ROR2: variants seen among roughly 807,000 people sequenced by gnomAD.
The protein encoded by ROR2 is ROR family WNT receptor 2, also known as tyrosine-protein kinase transmembrane receptor ROR2.
Under a neutral mutation model 74.9 loss-of-function variants are expected in ROR2, and 33 were observed. That is an observed-to-expected ratio of 0.44 (90% CI 0.33 to 0.59). ROR2 has a LOEUF of 0.59. Among genes scored for constraint, ROR2 ranks in the 20% least tolerant of loss-of-function variants. The pLI is 0.02. For missense variants in ROR2, 1,216 were observed against 1,313.8 expected (o/e 0.93, Z 1.15); for synonymous variants, 586 against 558.7 (o/e 1.05, Z -0.69).
intron 2 of ROR2, among the ~76,000 whole-genome samples, chr9:91,765,514 A>C (rs1826032408): frequency 1.3e-5 from 2 of 152,194 alleles, no homozygotes; most frequent in Non-Finnish European, 2.9e-5. Context: ...GTTTTATCTT[A>C]ACTTTTTGGC....
At chr9:91,833,112 C>T (rs1248371847) in intron 1 of ROR2, among the ~76,000 whole-genome samples, 2 of 152,206 alleles carry the variant, frequency 1.3e-5, no homozygotes, top group Non-Finnish European at 2.9e-5. Context: ...ACAAAACACC[C>T]AGGTGTTCTC....
chr9:91,822,296 G>A (rs1168697196), intron 1 of ROR2, among the ~76,000 whole-genome samples: 2 of 152,192 alleles, frequency 1.3e-5, no homozygotes, highest in Non-Finnish European at 2.9e-5. Context: ...CCACCACCAA[G>A]GATCAGAGTT....
intron 2 of ROR2, among the ~76,000 whole-genome samples, chr9:91,762,166 T>C (rs1371584569): frequency 6.6e-6 from 1 of 152,172 alleles, no homozygotes; most frequent in Non-Finnish European, 1.5e-5. Flanking sequence ...CATTGTCACA[T>C]CTACTGCTGA....
chr9:91,770,992 C>T (rs970792419), intron 2 of ROR2, among the ~76,000 whole-genome samples: 3 of 152,210 alleles, frequency 2.0e-5, no homozygotes, highest in African/African-American at 7.2e-5. Flanking sequence ...GCTCTGCTGA[C>T]TGCTTTGTTT....
At chr9:91,872,493 G>T (rs1829826040) in intron 1 of ROR2, among the ~76,000 whole-genome samples, 3 of 152,130 alleles carry the variant, frequency 2.0e-5, no homozygotes, top group Non-Finnish European at 2.9e-5. Context: ...GCCAGAATTT[G>T]TTCTATTTTT....
At chr9:91,850,478 G>A (rs1050221943) in intron 1 of ROR2, among the ~76,000 whole-genome samples, 1 of 152,166 alleles carries the variant, frequency 6.6e-6, no homozygotes, top group Admixed American at 6.5e-5. Flanking sequence ...AAAAGACTGT[G>A]ACGCTGAAGC....
intron 1 of ROR2, among the ~76,000 whole-genome samples, chr9:91,839,908 T>C (rs1828732435): frequency 6.6e-6 from 1 of 152,062 alleles, no homozygotes; most frequent in African/African-American, 2.4e-5. Context: ...CCACCAAAAG[T>C]GCACCCCTTT....
chr9:91,820,839 T>G lies in ROR2; in HGVS notation c.98-45021A>C, dbSNP rs551159386. 9.1e-4 allele frequency among the ~76,000 whole-genome samples: 139 copies of G among 152,232 alleles called. 1 individual carries two copies. Among genetic ancestry groups the G allele is most frequent in the African/African-American group, 3.2e-3 (131 of 41,556 alleles). On this transcript the variant is annotated intron_variant, in intron 1 of 8. Coordinates refer to ENST00000375708, the MANE Select transcript of ROR2 (RefSeq NM_004560.4). ...GGTCAGGCCAGGTGTGGTGGCTCAC[T>G]CACTGTAATCCCAGCGCTTTGGGAG...
chr9:91,736,923 G>A (rs1167183355), intron 5 of ROR2, among the ~76,000 whole-genome samples: 1 of 152,096 alleles, frequency 6.6e-6, no homozygotes, highest in Non-Finnish European at 1.5e-5. Flanking sequence ...GATGACCCGC[G>A]ACTCTTTCCC....
intron 1 of ROR2, among the ~76,000 whole-genome samples, chr9:91,850,621 C>A (rs556092262): frequency 2.5e-4 from 38 of 152,298 alleles, no homozygotes; most frequent in African/African-American, 7.5e-4. Context: ...CCACACCCAC[C>A]CAGGCTAGAC....
At chr9:91,944,805 C>T (rs1831969514) in intron 1 of ROR2, among the ~76,000 whole-genome samples, 2 of 151,812 alleles carry the variant, frequency 1.3e-5, no homozygotes, top group African/African-American at 2.4e-5. Flanking sequence ...GCCTACGATC[C>T]CAGGACTGGG....
intron 4 of ROR2, among the ~76,000 whole-genome samples, chr9:91,745,665 A>T (rs1207713508): frequency 1.3e-5 from 2 of 151,810 alleles, no homozygotes; most frequent in Admixed American, 6.6e-5. Context: ...ACCTCAGGTG[A>T]TCCGCCCACC....
At chr9:91,864,921 A>C (rs1440168248) in intron 1 of ROR2, among the ~76,000 whole-genome samples, 3 of 152,222 alleles carry the variant, frequency 2.0e-5, no homozygotes. Flanking sequence ...ATCAGAAGAT[A>C]AAGTGCTGTC....
At chr9:91,890,466 C>T (rs551760601) in intron 1 of ROR2, among the ~76,000 whole-genome samples, 49 of 152,284 alleles carry the variant, frequency 3.2e-4, no homozygotes, top group Non-Finnish European at 6.5e-4. Context: ...TTCTCGTAGA[C>T]GCTGCACTCC....
rs145706589 is a variant in ROR2, at chr9:91,735,551, T to C, written c.622+1840A>G. Among the ~76,000 whole-genome samples the C allele has an allele frequency of 6.7e-5, 10 of 150,358 alleles. No homozygotes were observed. In the East Asian group the frequency reaches 1.6e-3, roughly 24 times the overall value. On this transcript the variant is annotated intron_variant, in intron 5 of 8. Coordinates refer to ENST00000375708, the MANE Select transcript of ROR2 (RefSeq NM_004560.4). Reference sequence around the variant, plus strand: ...AGTCTGCAGCTAGCATTTTAAAAGATGGTAAGAACAGACTAGAGGATGTCA... The same window carrying C: ...AGTCTGCAGCTAGCATTTTAAAAGACGGTAAGAACAGACTAGAGGATGTCA...
At chr9:91,860,186 AG>A (rs1239189644) in intron 1 of ROR2, among the ~76,000 whole-genome samples, 1 of 152,146 alleles carries the variant, frequency 6.6e-6, no homozygotes, top group African/African-American at 2.4e-5. Flanking sequence ...GGGAGAGGGA[AG>A]GGTGAGAGAG....
intron 1 of ROR2, among the ~76,000 whole-genome samples, chr9:91,821,070 C>A (rs910775310): frequency 6.6e-6 from 1 of 151,814 alleles, no homozygotes; most frequent in Non-Finnish European, 1.5e-5. Flanking sequence ...CACTGCATTC[C>A]CGCCTGGGCA....
In ROR2 at chr9:91,724,136, G is replaced by A. The variant is rs772071230; in HGVS notation, c.2358C>T (p.Tyr786=). The A allele has an allele frequency of 2.1e-5, 34 of 1,611,022 alleles. No individual in the cohort carries two copies. The highest frequency in any genetic ancestry group is 1.0e-4 in the Admixed American group (6 of 60,012). ...SPVSNVSNAR[Y]VGPKQKAPPF... Reference sequence around the variant, plus strand: ...GCGGGGCCTTCTGCTTGGGCCCCACGTAGCGGGCGTTGCTCACATTGCTCA... The same window carrying A: ...GCGGGGCCTTCTGCTTGGGCCCCACATAGCGGGCGTTGCTCACATTGCTCA... Residue 786 remains tyrosine (Y), a synonymous_variant, in exon 9 of 9, where the codon TAC becomes TAT. Transcript: ENST00000375708.
chr9:91,743,684 C>T (rs1459695264), intron 4 of ROR2, among the ~76,000 whole-genome samples: 6 of 152,160 alleles, frequency 3.9e-5, no homozygotes, highest in Admixed American at 3.9e-4. Context: ...GGGGCAACGT[C>T]CTCCTCAAAA....
Sources: allele counts gnomAD v4.1 joint callset (sites outside exome capture counted in the v4.1 genomes callset), GRCh38; gene constraint gnomAD v4.1.1; transcripts MANE v1.5; gene names NCBI Gene and HGNC (gene_info 2026-07-23, HGNC 2026-07-21).